Variants in CLMN observed in about 807,000 individuals in gnomAD.
CLMN encodes the protein calmin (calponin-like, transmembrane).
CLMN carries 57 observed loss-of-function variants against 92.7 expected under a neutral mutation model. The ratio of observed to expected loss-of-function variants is 0.61; its 90% CI spans 0.50 to 0.77. The LOEUF (loss-of-function observed/expected upper bound fraction) is 0.77, where lower values mean the gene tolerates loss of function less well. CLMN is among the 30% of genes least tolerant of loss of function. CLMN has a pLI of 0.00. For missense variants in CLMN, 1,158 were observed against 1,237.5 expected (o/e 0.94, Z 0.96); for synonymous variants, 466 against 470.6 (o/e 0.99, Z 0.13).
At chr14:95,253,608 TG>T (rs1248458284) in intron 1 of CLMN, among the ~76,000 whole-genome samples, 4 of 136,382 alleles carry the variant, frequency 2.9e-5, no homozygotes, top group African/African-American at 1.1e-4. Context: ...AGTGTTTTTT[TG>T]TTTTTTTGTT....
intron 1 of CLMN, among the ~76,000 whole-genome samples, chr14:95,314,653 T>C (rs998023765): frequency 2.0e-5 from 3 of 152,188 alleles, no homozygotes; most frequent in Non-Finnish European, 4.4e-5. Flanking sequence ...CTTTGGGTCT[T>C]GGTTGTGGCT....
Position 95,221,702 on chromosome 14 carries a change from C to T in CLMN, c.313G>A (p.Glu105Lys). 1.2e-6 allele frequency: 2 copies of T among 1,613,834 alleles called. No homozygotes were observed. Among genetic ancestry groups the T allele is most frequent in the Non-Finnish European group, 1.7e-6 (2 of 1,179,888 alleles). ...NNIAKALKFLEDSNVKLVSID... is the reference protein window; with the variant it reads ...NNIAKALKFLKDSNVKLVSID... ...CTTCAAACACTTACATTGCTATCTT[C>T]CAAAAACTTAAGTGCTTTCGCTATG... The change falls in exon 4 of 13, where the codon GAA (glutamate) becomes AAA (lysine). Residue 105 changes from glutamate to lysine, a missense_variant. By Grantham distance (56) the Glu-to-Lys change is moderately conservative. Coordinates refer to ENST00000298912, the MANE Select transcript of CLMN (RefSeq NM_024734.4).
rs1314936234 is a variant in CLMN at position 95,189,655 on chromosome 14, C to T, written c.*1909G>A. On this transcript the variant is annotated 3_prime_UTR_variant, in exon 13 of 13. Coordinates refer to ENST00000298912, the MANE Select transcript of CLMN (RefSeq NM_024734.4). ...TTGGGTTGGCTCTTCCCAGGCTCTT[C>T]GAGCATCTAATTTAGGCAAGGACTG... 1 of 152,220 alleles carries T rather than the reference C, an allele frequency of 6.6e-6. No individual in the cohort carries two copies. Among genetic ancestry groups the T allele is most frequent in the Non-Finnish European group, 1.5e-5 (1 of 68,044 alleles). The allele number at this position is 152,220 out of a possible 1,614,324, so 9.4% of individuals were successfully genotyped here. A position where few individuals can be genotyped will look rare whatever the true frequency, so the allele number is the denominator to read the frequency against.
intron 1 of CLMN, among the ~76,000 whole-genome samples, chr14:95,231,382 T>G (rs1260903049): frequency 3.3e-5 from 5 of 152,000 alleles, no homozygotes; most frequent in Non-Finnish European, 7.4e-5. Context: ...GTATTTTTAG[T>G]AGAGACAGAG....
rs1376763409 is a variant in CLMN, at chr14:95,284,278, G to A, written c.82+35433C>T. On this transcript the variant is annotated intron_variant, in intron 1 of 12. Transcript: ENST00000298912. ...TATATATATGGAAATGCCTGGATGC[G>A]CAGGCAAAAGTTTGCTGCAGGGGCA... Among the ~76,000 whole-genome samples the A allele has an allele frequency of 2.6e-5, 4 of 152,358 alleles. No homozygotes were observed. In the East Asian group the frequency reaches 5.8e-4, roughly 22 times the overall value.
At chr14:95,247,789 C>T (rs946055924) in intron 1 of CLMN, among the ~76,000 whole-genome samples, 5 of 151,976 alleles carry the variant, frequency 3.3e-5, no homozygotes, top group African/African-American at 1.2e-4. Context: ...ACTGGTCCTT[C>T]GAATCAAAGG....
At chr14:95,195,316 T>C (rs1483490296) in intron 10 of CLMN, among the ~76,000 whole-genome samples, 3 of 152,244 alleles carry the variant, frequency 2.0e-5, no homozygotes, top group East Asian at 3.9e-4. Context: ...AGATCATAGA[T>C]GACTGCTAGA....
chr14:95,254,308 G>C (rs907344372), intron 1 of CLMN, among the ~76,000 whole-genome samples: 1 of 152,184 alleles, frequency 6.6e-6, no homozygotes, highest in Non-Finnish European at 1.5e-5. Flanking sequence ...CTGCTAGGAC[G>C]GCGGTTAGAA....
At chr14:95,212,468 G>A (rs1197629773) in intron 6 of CLMN, among the ~76,000 whole-genome samples, 2 of 152,238 alleles carry the variant, frequency 1.3e-5, no homozygotes, top group Non-Finnish European at 2.9e-5. Context: ...TCTGCTGCCG[G>A]TGTGGGGTGA....
rs1195481631 is a variant in CLMN, at chr14:95,272,612, C to G, written c.83-42479G>C. ...ATTCACATTTAGTACGACAATACAC[C>G]AGCCATATGTTGTGAGTGCTTCATT... On this transcript the variant is annotated intron_variant, in intron 1 of 12. Transcript: ENST00000298912. 3.9e-5 allele frequency among the ~76,000 whole-genome samples: 6 copies of G among 152,112 alleles called. No homozygotes were observed. In the East Asian group the frequency reaches 1.2e-3, roughly 29 times the overall value.
chr14:95,253,327 T>C (rs897748031), intron 1 of CLMN, among the ~76,000 whole-genome samples: 1 of 152,200 alleles, frequency 6.6e-6, no homozygotes, highest in Non-Finnish European at 1.5e-5. Flanking sequence ...GCCCAAGATC[T>C]CACAGTCAGG....
intron 1 of CLMN, among the ~76,000 whole-genome samples, chr14:95,305,215 C>T (rs1901226731): frequency 6.6e-6 from 1 of 152,160 alleles, no homozygotes; most frequent in Non-Finnish European, 1.5e-5. Context: ...CCCATTGTAC[C>T]GATGAGGCCT....
At chr14:95,193,368 A>G (rs1272366467) in intron 12 of CLMN, 16 of 1,534,970 alleles carry the variant, frequency 1.0e-5, no homozygotes, top group Non-Finnish European at 1.2e-5. Context: ...GTCTGCTCTG[A>G]TGCCATAAAA....
Position 95,294,155 on chromosome 14 carries a change from G to T in CLMN, c.82+25556C>A, listed in dbSNP as rs531264160. 1.3e-5 allele frequency among the ~76,000 whole-genome samples: 2 copies of T among 152,350 alleles called. No homozygotes were observed. Among genetic ancestry groups the T allele is most frequent in the South Asian group, 2.1e-4 (1 of 4,830 alleles). ...TCAGCCTGCCTGCCAAAGAATGGGT[G>T]GGGGAGTGGGCTGGATTCACTTATA... is the stretch of plus-strand genomic sequence containing the variant. On this transcript the variant is annotated intron_variant, in intron 1 of 12. Transcript: ENST00000298912. The surrounding 1 kb of genome is among the most constrained non-coding windows in gnomAD (Gnocchi z 4.2).
At chr14:95,269,576 A>C (rs1899624391) in intron 1 of CLMN, among the ~76,000 whole-genome samples, 1 of 152,160 alleles carries the variant, frequency 6.6e-6, no homozygotes, top group African/African-American at 2.4e-5. Flanking sequence ...TTTGAGTCTC[A>C]ATGGACTCCT....
chr14:95,237,134 T>C (rs1283895086), intron 1 of CLMN, among the ~76,000 whole-genome samples: 3 of 152,234 alleles, frequency 2.0e-5, no homozygotes, highest in South Asian at 2.1e-4. Flanking sequence ...AACTCCCTCC[T>C]GGGGCTGTTG....
chr14:95,203,078 G>A lies in CLMN; in HGVS notation c.2271C>T (p.Leu757=), dbSNP rs149002315. The A allele has an allele frequency of 7.4e-6, 12 of 1,613,820 alleles. No individual in the cohort carries two copies. Among genetic ancestry groups the A allele is most frequent in the Admixed American group, 6.7e-5 (4 of 59,994 alleles). The change falls in exon 9 of 13, where the codon CTC becomes CTT. Residue 757 remains leucine (L), a synonymous_variant. Coordinates refer to ENST00000298912, the MANE Select transcript of CLMN (RefSeq NM_024734.4). ...PEDLKNEEMD[L]EEPEGYMPDL... is the part of the protein sequence containing the mutation. ...CTGGCATATAGCCCTCTGGCTCTTC[G>A]AGATCCATTTCTTCATTTTTTAGAT...
intron 1 of CLMN, among the ~76,000 whole-genome samples, chr14:95,238,660 T>A (rs1362918925): frequency 6.6e-6 from 1 of 152,118 alleles, no homozygotes; most frequent in Non-Finnish European, 1.5e-5. Context: ...CCTGCCACCA[T>A]GCTGACCAGG....
chr14:95,277,401 G>A (rs1215909632), intron 1 of CLMN, among the ~76,000 whole-genome samples: 1 of 152,182 alleles, frequency 6.6e-6, no homozygotes, highest in Non-Finnish European at 1.5e-5. Flanking sequence ...ATGTCCTTGG[G>A]AGCTTGACTT....
Sources: allele counts gnomAD v4.1 joint callset (sites outside exome capture counted in the v4.1 genomes callset), GRCh38; gene constraint gnomAD v4.1.1; non-coding constraint Gnocchi (gnomAD v3.1); transcripts MANE v1.5; gene names NCBI Gene and HGNC (gene_info 2026-07-23, HGNC 2026-07-21).